Variants in CLEC2A observed in about 807,000 individuals in gnomAD.
CLEC2A encodes the protein C-type lectin domain family 2 member A, also known as keratinocyte-associated C-type lectin.
Under a neutral mutation model 18.6 loss-of-function variants are expected in CLEC2A, and 19 were observed. That is an observed-to-expected ratio of 1.02 (90% CI 0.71 to 1.50). The LOEUF is 1.50. Among genes scored for constraint, CLEC2A ranks in the 40% most tolerant of loss-of-function variants. The pLI is 0.00. For missense variants in CLEC2A, 190 were observed against 207.9 expected (o/e 0.91, Z 0.53); for synonymous variants, 74 against 64.0 (o/e 1.16, Z -0.75).
intron 3 of CLEC2A, 25 bp from the exon 4 acceptor site, chr12:9,916,828 C>A (rs1394171778): frequency 5.8e-6 from 8 of 1,376,176 alleles, no homozygotes; most frequent in Non-Finnish European, 7.1e-6. Flanking sequence ...AGGGAATCAG[C>A]GATTACTTAA....
intron 4 of CLEC2A, among the ~76,000 whole-genome samples, chr12:9,902,779 C>T (rs772802381): frequency 2.6e-5 from 4 of 152,170 alleles, no homozygotes; most frequent in South Asian, 2.1e-4. Context: ...CAAGAGCACA[C>T]TGAACAAAGG....
the CLEC2A span, chr12:9,893,395 A>G: frequency 4.7e-6 from 5 of 1,071,732 alleles, no homozygotes; most frequent in Non-Finnish European, 5.4e-6. Flanking sequence ...TTTTTTAAAC[A>G]AATGAATGAA....
the CLEC2A span, chr12:9,893,302 C>A: frequency 4.5e-6 from 4 of 887,958 alleles, no homozygotes; most frequent in South Asian, 2.1e-5. Flanking sequence ...CACTATTGTT[C>A]ATGAAAAAAA....
At chr12:9,909,588 A>T (rs1440210315), downstream of CLEC2A, among the ~76,000 whole-genome samples, 2 of 152,192 alleles carry the variant, frequency 1.3e-5, no homozygotes, top group Non-Finnish European at 2.9e-5. Context: ...TTAGAGGAGC[A>T]TTTATGAAGC....
chr12:9,904,390 A>G (rs1270525186), intron 4 of CLEC2A, among the ~76,000 whole-genome samples: 1 of 152,180 alleles, frequency 6.6e-6, no homozygotes, highest in Non-Finnish European at 1.5e-5. Context: ...CGCAAGTGTA[A>G]CAATCGTTTT....
At chr12:9,908,513 G>A (rs7132947), downstream of CLEC2A, among the ~76,000 whole-genome samples, 18,396 of 152,060 alleles carry the variant, frequency 0.12, 2,108 homozygotes, top group East Asian at 0.38. Context: ...ACAGAGGAGC[G>A]GGCTGCTCCT....
At position 9,898,843 on chromosome 12, in the gene CLEC2A, T is replaced by A. The variant is rs1862787021; in HGVS notation, c.*61A>T. On this transcript the variant is annotated 3_prime_UTR_variant, in exon 5 of 5. Coordinates refer to the CLEC2A transcript ENST00000339766. ...GGATAAGGATGAAGACAGATTTAAC[T>A]GCTTCCTGCTGACAGGGGACATTGT... is the stretch of plus-strand genomic sequence containing the variant. 14 of 697,174 alleles carry A rather than the reference T, an allele frequency of 2.0e-5. No homozygotes were observed. The South Asian group carries it at 2.1e-4, about 10-fold the overall frequency. 43.2% of individuals were successfully genotyped at this position (697,174 alleles called of 1,614,324 possible).
chr12:9,881,605 G>A, the CLEC2A span: 1 of 1,533,784 alleles, frequency 6.5e-7, no homozygotes, highest in Non-Finnish European at 8.7e-7. Context: ...GATGGAGAAT[G>A]AAGATGGGTA....
At chr12:9,894,004 T>C (rs563722150), downstream of CLEC2A, among the ~76,000 whole-genome samples, 9 of 152,254 alleles carry the variant, frequency 5.9e-5, no homozygotes, top group African/African-American at 2.2e-4. Flanking sequence ...CTAAACTTGT[T>C]GATATCCATT....
At chr12:9,882,595 T>C in the CLEC2A span, among the ~76,000 whole-genome samples, 1 of 152,102 alleles carries the variant, frequency 6.6e-6, no homozygotes, top group East Asian at 1.9e-4. Flanking sequence ...CTGGCCAACA[T>C]GGTGAAACCC....
At chr12:9,897,415 TC>T (rs1202147081), downstream of CLEC2A, among the ~76,000 whole-genome samples, 1 of 152,136 alleles carries the variant, frequency 6.6e-6, no homozygotes, top group East Asian at 1.9e-4. Context: ...TAATTCTGCC[TC>T]TTTTTCTGCG....
the CLEC2A span, chr12:9,881,514 A>G: frequency 9.7e-7 from 1 of 1,034,908 alleles, no homozygotes; most frequent in South Asian, 1.5e-5. Flanking sequence ...CCTTGTGCCA[A>G]AGAGACATAT....
the CLEC2A span, among the ~76,000 whole-genome samples, chr12:9,891,244 T>C: frequency 6.7e-6 from 1 of 148,500 alleles, no homozygotes; most frequent in Non-Finnish European, 1.5e-5. Context: ...TTGTTATTAT[T>C]ATCTAAAGCA....
intron 4 of CLEC2A, among the ~76,000 whole-genome samples, chr12:9,901,386 T>C (rs1245971237): frequency 6.6e-6 from 1 of 152,152 alleles, no homozygotes; most frequent in Non-Finnish European, 1.5e-5. Flanking sequence ...AGAAACACAA[T>C]TGACAAAGAA....
intron 4 of CLEC2A, among the ~76,000 whole-genome samples, chr12:9,907,825 C>T (rs1862926867): frequency 6.6e-6 from 1 of 152,166 alleles, no homozygotes; most frequent in Admixed American, 6.5e-5. Context: ...CATTCGAAAG[C>T]AAATATGTCC....
chr12:9,916,062 T>C (rs1358019579), intron 4 of CLEC2A, among the ~76,000 whole-genome samples: 1 of 151,712 alleles, frequency 6.6e-6, no homozygotes, highest in Non-Finnish European at 1.5e-5. Flanking sequence ...AAAAGTAAGC[T>C]AAATAAAAAA....
At chr12:9,903,189 T>C (rs924964886) in intron 4 of CLEC2A, among the ~76,000 whole-genome samples, 1 of 152,000 alleles carries the variant, frequency 6.6e-6, no homozygotes, top group Non-Finnish European at 1.5e-5. Flanking sequence ...TTTTTTTTTT[T>C]AATAATTCCT....
At chr12:9,894,054 CTCTT>C (rs1455839988), downstream of CLEC2A, among the ~76,000 whole-genome samples, 5 of 151,390 alleles carry the variant, frequency 3.3e-5, no homozygotes, top group South Asian at 2.1e-4. Flanking sequence ...TTCTTTCTTT[CTCTT>C]TCTCTTTTTT....
the CLEC2A span, among the ~76,000 whole-genome samples, chr12:9,884,675 G>A: frequency 6.7e-6 from 1 of 149,500 alleles, no homozygotes; most frequent in Non-Finnish European, 1.5e-5. Flanking sequence ...AATTTATATG[G>A]AATTTAAGAC....
Sources: allele counts gnomAD v4.1 joint callset (sites outside exome capture counted in the v4.1 genomes callset), GRCh38; gene constraint gnomAD v4.1.1; transcripts MANE v1.5; gene names NCBI Gene and HGNC (gene_info 2026-07-23, HGNC 2026-07-21).